LRBA: variants seen among roughly 807,000 people sequenced by gnomAD.
LRBA encodes the protein lipopolysaccharide-responsive and beige-like anchor protein.
Under a neutral mutation model 330.0 loss-of-function variants are expected in LRBA, and 176 were observed. That is an observed-to-expected ratio of 0.53 (90% CI 0.47 to 0.60). The LOEUF is 0.60. Ranked by LOEUF, LRBA falls within the 20% of genes least tolerant of loss-of-function variation. LRBA has a pLI of 0.00. For synonymous variants in LRBA, 1,230 were observed against 1,193.0 expected, an observed-to-expected ratio of 1.03 and a Z score of -0.64; for missense variants, 3,259 against 3,444.8, an observed-to-expected ratio of 0.95 and a Z score of 1.35.
In LRBA at chr4:150,321,252, G is replaced by A. The variant is rs1372828165; in HGVS notation, c.7569C>T (p.Pro2523=). 1.5e-5 allele frequency: 24 copies of A among 1,612,312 alleles called. No homozygotes were observed. Among genetic ancestry groups the A allele is most frequent in the East Asian group, 6.7e-5 (3 of 44,862 alleles). ...TGTTAGCAGTGACTGTGATCACAGC[G>A]GGAGTTGCCAAACCAGGCTGGGTGT... ...AANTQPGLAT[P]AVITVTANRL... is the part of the protein sequence containing the mutation. The change falls in exon 50 of 57, where the codon CCC becomes CCT. Residue 2523 remains proline, a synonymous_variant. Coordinates refer to ENST00000651943, the MANE Select transcript of LRBA (RefSeq NM_001364905.1). The surrounding 1 kb of genome is among the most constrained non-coding windows in gnomAD (Gnocchi z 4.5).
chr4:150,365,259 G>C (rs924110311), intron 47 of LRBA, among the ~76,000 whole-genome samples: 4 of 151,944 alleles, frequency 2.6e-5, no homozygotes, highest in African/African-American at 9.7e-5. Flanking sequence ...TGCCTGCCTT[G>C]GCCTCCCAAA....
intron 40 of LRBA, among the ~76,000 whole-genome samples, chr4:150,551,604 G>T (rs997992618): frequency 6.6e-5 from 10 of 151,870 alleles, no homozygotes; most frequent in Non-Finnish European, 1.3e-4. Context: ...AGAGGTCAAG[G>T]CTGCAGTAAG....
intron 48 of LRBA, among the ~76,000 whole-genome samples, chr4:150,347,859 C>A (rs535506515): frequency 6.6e-6 from 1 of 152,134 alleles, no homozygotes; most frequent in Admixed American, 6.5e-5. Flanking sequence ...TTTATTTTTC[C>A]ATTGTCTGAT....
intron 47 of LRBA, among the ~76,000 whole-genome samples, chr4:150,406,096 A>G (rs1315197703): frequency 1.3e-5 from 2 of 152,158 alleles, no homozygotes; most frequent in African/African-American, 4.8e-5. Flanking sequence ...AATACGACTA[A>G]GAAAAGAACT....
rs1380241465 is a variant in LRBA at position 150,487,751 on chromosome 4, A to G, written c.6532T>C (p.Phe2178Leu). Reference sequence around the variant, plus strand: ...CAGTACCTGGTTTGAGGCAATCCAAAACTTGTTCCAACGCCAACACGAGGT... The same window carrying G: ...CAGTACCTGGTTTGAGGCAATCCAAGACTTGTTCCAACGCCAACACGAGGT... The part of the protein sequence containing the change: ...YLPRVGVGTS[F>L]GLPQTRRISL... Residue 2178 changes from phenylalanine (F) to leucine (L), a missense_variant, in exon 42 of 57, where the codon TTT becomes CTT. Phe to Leu is a conservative substitution (Grantham distance 22, BLOSUM62 0). Transcript: ENST00000651943. The G allele has an allele frequency of 1.9e-6, 3 of 1,597,098 alleles. 1 individual carries two copies. The South Asian group carries it at 3.4e-5, about 18-fold the overall frequency.
In LRBA at chr4:150,701,658, G is replaced by A. The variant is rs975233408; in HGVS notation, c.5755-17941C>T. On this transcript the variant is annotated intron_variant, in intron 36 of 56. Coordinates refer to ENST00000651943, the MANE Select transcript of LRBA (RefSeq NM_001364905.1). ...CAAATATTGTCAAGCTTAGCATTTCGTGGTTCCTATGCTAGAGATGCAGAA... is the reference window on the plus strand; with the variant it reads ...CAAATATTGTCAAGCTTAGCATTTCATGGTTCCTATGCTAGAGATGCAGAA... Among the ~76,000 whole-genome samples the A allele has an allele frequency of 5.9e-5, 9 of 152,174 alleles. No homozygotes were observed. In the South Asian group the frequency reaches 6.2e-4, roughly 11 times the overall value.
At chr4:150,772,578 T>G (rs1736728222) in intron 34 of LRBA, among the ~76,000 whole-genome samples, 1 of 152,182 alleles carries the variant, frequency 6.6e-6, no homozygotes, top group African/African-American at 2.4e-5. Flanking sequence ...GTGTTAACTG[T>G]TCAGTCTCTA....
At chr4:150,756,045 CA>C (rs70941436) in intron 35 of LRBA, among the ~76,000 whole-genome samples, 281 of 127,694 alleles carry the variant, frequency 2.2e-3, no homozygotes, top group Middle Eastern at 4.0e-3. Flanking sequence ...GACCCTATCT[CA>C]AAAAAAAAAA....
intron 53 of LRBA, among the ~76,000 whole-genome samples, chr4:150,289,692 C>A (rs1039618122): frequency 6.6e-6 from 1 of 152,146 alleles, no homozygotes; most frequent in Admixed American, 6.5e-5. Context: ...AGATTGTATT[C>A]CCTTTATTAT....
At chr4:150,835,398 T>C (rs1747876630) in intron 28 of LRBA, among the ~76,000 whole-genome samples, 1 of 152,190 alleles carries the variant, frequency 6.6e-6, no homozygotes, top group African/African-American at 2.4e-5. Context: ...CCTTGGGCAG[T>C]ATGGCCATTT....
At chr4:150,881,280 G>A (rs550817346) in intron 17 of LRBA, among the ~76,000 whole-genome samples, 114 of 152,198 alleles carry the variant, frequency 7.5e-4, no homozygotes, top group African/African-American at 2.5e-3. Flanking sequence ...TTCTATCAAC[G>A]GTAGATTGGA....
At chr4:150,973,455 C>G (rs1739805163) in intron 2 of LRBA, among the ~76,000 whole-genome samples, 2 of 152,174 alleles carry the variant, frequency 1.3e-5, no homozygotes, top group Non-Finnish European at 2.9e-5. Flanking sequence ...GCGTGAGCTA[C>G]CATGCTTGGC....
intron 46 of LRBA, among the ~76,000 whole-genome samples, chr4:150,432,507 G>GACCC (rs1270348383): frequency 2.3e-5 from 3 of 129,070 alleles, no homozygotes; most frequent in African/African-American, 8.8e-5. Context: ...ACCCAGGCTG[G>GACCC]AGTGCAGTGG....
At position 150,896,457 on chromosome 4, in the gene LRBA, CT is replaced by C; in HGVS notation, c.2005-2del. The C allele has an allele frequency of 1.3e-6, 2 of 1,510,718 alleles. No homozygotes were observed. The highest frequency in any genetic ancestry group is 1.2e-5 in the South Asian group (1 of 83,234). The allele number at this position is 1,510,718 out of a possible 1,614,324, so 93.6% of individuals were successfully genotyped here. Reference sequence around the variant, plus strand: ...ATTCATCTTCCTTTACTCCAGAATCCTTCAAAAACATAATACAGGTATCTTA... The same window carrying C: ...ATTCATCTTCCTTTACTCCAGAATCCTCAAAAACATAATACAGGTATCTTA... On this transcript the variant is annotated splice_acceptor_variant, in intron 15 of 56. Coordinates refer to ENST00000651943, the MANE Select transcript of LRBA (RefSeq NM_001364905.1). LOFTEE classifies it high-confidence loss of function.
At chr4:150,343,669 T>C (rs969365521) in intron 48 of LRBA, among the ~76,000 whole-genome samples, 1 of 152,134 alleles carries the variant, frequency 6.6e-6, no homozygotes, top group African/African-American at 2.4e-5. Flanking sequence ...CATTTCACCA[T>C]ACTTCCATGG....
chr4:150,770,606 CACAA>C (rs952412280), intron 34 of LRBA, among the ~76,000 whole-genome samples: 2 of 124,964 alleles, frequency 1.6e-5, no homozygotes. Flanking sequence ...CACACACACA[CACAA>C]ACACATATAC....
chr4:150,829,497 T>C (rs565414892), intron 29 of LRBA, among the ~76,000 whole-genome samples: 14 of 152,322 alleles, frequency 9.2e-5, no homozygotes, highest in African/African-American at 3.1e-4. Context: ...TCAGTCCTAA[T>C]AGGACTTCAC....
chr4:150,431,187 A>T (rs1185463415), intron 46 of LRBA, among the ~76,000 whole-genome samples: 1 of 152,244 alleles, frequency 6.6e-6, no homozygotes, highest in Non-Finnish European at 1.5e-5. Flanking sequence ...AGTGAATTTT[A>T]AAGATTTAAA....
intron 47 of LRBA, among the ~76,000 whole-genome samples, chr4:150,362,446 A>T (rs1410862801): frequency 6.6e-6 from 1 of 152,118 alleles, no homozygotes; most frequent in Non-Finnish European, 1.5e-5. Flanking sequence ...CTGCTATCTA[A>T]AACCTAGCCA....
Sources: gnomAD v4.1 joint callset for allele counts (sites outside exome capture counted in the v4.1 genomes callset) on GRCh38, gnomAD v4.1.1 for gene constraint, Gnocchi (gnomAD v3.1) non-coding constraint, MANE v1.5 for transcripts, NCBI Gene and HGNC (gene_info 2026-07-23, HGNC 2026-07-21) for gene names.